Variants in WDFY3 observed in about 807,000 individuals in gnomAD.
The protein encoded by WDFY3 is WD repeat and FYVE domain containing 3.
Under a neutral mutation model 409.6 loss-of-function variants are expected in WDFY3, and 66 were observed. The ratio of observed to expected loss-of-function variants is 0.16; its 90% CI spans 0.13 to 0.20. The LOEUF is 0.20. Among genes scored for constraint, WDFY3 ranks in the 10% least tolerant of loss-of-function variants. The pLI, the probability that WDFY3 is intolerant of heterozygous loss-of-function variation, is 1.00. For missense variants in WDFY3, 3,031 were observed against 4,298.1 expected (o/e 0.71, Z 8.24); for synonymous variants, 1,521 against 1,537.1 (o/e 0.99, Z 0.25).
chr4:84,778,720 AACAC>A, intron 26 of WDFY3, 65 bp from the exon 27 acceptor site: 4 of 1,498,226 alleles, frequency 2.7e-6, no homozygotes, highest in South Asian at 1.3e-5. Context: ...CACACACACA[AACAC>A]ACACATACAC....
intron 53 of WDFY3, among the ~76,000 whole-genome samples, chr4:84,705,994 G>C (rs934069565): frequency 2.0e-5 from 3 of 151,636 alleles, no homozygotes; most frequent in Non-Finnish European, 4.4e-5. Flanking sequence ...AGGTGATCTG[G>C]AAGTGATAAA....
chr4:84,889,196 C>A (rs551285626), intron 3 of WDFY3, among the ~76,000 whole-genome samples: 2 of 152,224 alleles, frequency 1.3e-5, no homozygotes, highest in South Asian at 4.1e-4. Context: ...GTGCTAAGAG[C>A]AAATTTTTAT....
At position 84,826,923 on chromosome 4, in the gene WDFY3, T is replaced by C; in HGVS notation, c.1015A>G (p.Ile339Val). ...ACACCATATGTTGTTAGGGAAGTTA[T>C]CAGATTAACCAGATCTTTCAAGGCA... ...KDALKDLVNLITSLTTYGVSE... is the reference protein window; with the variant it reads ...KDALKDLVNLVTSLTTYGVSE... The change falls in exon 10 of 68, where the codon ATA becomes GTA. Residue 339 changes from isoleucine (I) to valine (V), a missense_variant. Ile to Val is a conservative substitution (Grantham distance 29). Transcript: ENST00000295888. 1 of 1,611,182 alleles carries C rather than the reference T, an allele frequency of 6.2e-7. No individual in the cohort carries two copies. Among genetic ancestry groups the C allele is most frequent in the Non-Finnish European group, 8.5e-7 (1 of 1,179,226 alleles).
At chr4:84,756,325 C>T (rs1455416018) in intron 33 of WDFY3, among the ~76,000 whole-genome samples, 4 of 152,092 alleles carry the variant, frequency 2.6e-5, no homozygotes, top group African/African-American at 9.7e-5. Context: ...TGGCTCGCGC[C>T]TGTAATCCCA....
intron 56 of WDFY3, among the ~76,000 whole-genome samples, chr4:84,700,861 G>T (rs1245267777): frequency 1.3e-5 from 2 of 152,206 alleles, no homozygotes; most frequent in African/African-American, 2.4e-5. Flanking sequence ...ACTGAGACGG[G>T]CAGATCACTT....
intron 56 of WDFY3, among the ~76,000 whole-genome samples, chr4:84,699,407 A>T (rs1393715385): frequency 6.6e-6 from 1 of 152,146 alleles, no homozygotes; most frequent in Admixed American, 6.5e-5. Flanking sequence ...ACTTTCATGG[A>T]TGAATAATAT....
At chr4:84,738,305 A>G (rs951318879) in intron 40 of WDFY3, among the ~76,000 whole-genome samples, 3 of 152,106 alleles carry the variant, frequency 2.0e-5, no homozygotes, top group Non-Finnish European at 4.4e-5. Context: ...ATTGAAAAAA[A>G]AAAGAGAGGG....
At chr4:84,789,647 ACACACACACACACACACACACACC>A (rs1390239943) in intron 22 of WDFY3, 55 bp downstream of exon 22, 18 of 1,303,136 alleles carry the variant, frequency 1.4e-5, no homozygotes, top group East Asian at 2.3e-5. Context: ...ACACACACAC[ACACACACACACACACACACACACC>A]CCCCAAACTA....
intron 34 of WDFY3, 87 bp from the exon 35 acceptor site, chr4:84,753,963 T>G: frequency 1.5e-6 from 2 of 1,350,120 alleles, no homozygotes; most frequent in East Asian, 5.3e-5. Flanking sequence ...TCAGTATTCT[T>G]ATGAAACTGG....
chr4:84,839,240 A>G (rs990656422), intron 6 of WDFY3, among the ~76,000 whole-genome samples: 1 of 152,206 alleles, frequency 6.6e-6, no homozygotes, highest in African/African-American at 2.4e-5. Flanking sequence ...TTAAATATCA[A>G]TAGTAAATAT....
intron 8 of WDFY3, among the ~76,000 whole-genome samples, chr4:84,830,230 G>T (rs1755502742): frequency 6.6e-6 from 1 of 152,130 alleles, no homozygotes. Context: ...TTGATGATTT[G>T]ACTTAAGATG....
intron 25 of WDFY3, among the ~76,000 whole-genome samples, chr4:84,782,721 T>G (rs1746771330): frequency 6.6e-6 from 1 of 152,238 alleles, no homozygotes; most frequent in Non-Finnish European, 1.5e-5. Flanking sequence ...ATCTCATTCC[T>G]TTTTATGGCT....
At chr4:84,853,401 T>G (rs1003255798) in intron 4 of WDFY3, among the ~76,000 whole-genome samples, 1 of 152,176 alleles carries the variant, frequency 6.6e-6, no homozygotes, top group Non-Finnish European at 1.5e-5. Context: ...CTCGAACTCC[T>G]GGCCTCAGGT....
chr4:84,808,487 T>C, intron 14 of WDFY3, 70 bp from the exon 15 acceptor site: 1 of 1,345,242 alleles, frequency 7.4e-7, no homozygotes, highest in Non-Finnish European at 1.1e-6. Flanking sequence ...TGGCAGTTGG[T>C]TAGTTTCACA....
chr4:84,862,513 T>C (rs1460876426), intron 3 of WDFY3, among the ~76,000 whole-genome samples: 2 of 152,180 alleles, frequency 1.3e-5, no homozygotes, highest in Non-Finnish European at 2.9e-5. Flanking sequence ...GTATTTACAG[T>C]CCTGGAAATC....
At chr4:84,708,250 T>C (rs939239662) in intron 53 of WDFY3, among the ~76,000 whole-genome samples, 3 of 152,220 alleles carry the variant, frequency 2.0e-5, no homozygotes, top group Non-Finnish European at 4.4e-5. Flanking sequence ...AAAAATTTCT[T>C]TTATATGGCA....
chr4:84,747,737 C>T (rs1739738519), intron 36 of WDFY3, among the ~76,000 whole-genome samples: 1 of 152,038 alleles, frequency 6.6e-6, no homozygotes, highest in South Asian at 2.1e-4. Context: ...GGGGGTTTTC[C>T]CCTACTTCAT....
intron 3 of WDFY3, among the ~76,000 whole-genome samples, chr4:84,873,745 A>C (rs1027324216): frequency 6.6e-6 from 1 of 151,856 alleles, no homozygotes; most frequent in Non-Finnish European, 1.5e-5. Context: ...TCACTAACAT[A>C]TGACTGGTGT....
rs1764867902 is a variant in WDFY3 at position 84,890,943 on chromosome 4, C to CT, written c.-32+5967dup. Among the ~76,000 whole-genome samples the CT allele has an allele frequency of 3.9e-5, 6 of 152,326 alleles. No individual in the cohort carries two copies. In the South Asian group the frequency reaches 1.2e-3, roughly 32 times the overall value. ...GGGACTACACTACAGGTGCCTACCACTGTGCCCATTGTGAATTTATTAATT... is the reference window on the plus strand; with the variant it reads ...GGGACTACACTACAGGTGCCTACCACTTGTGCCCATTGTGAATTTATTAATT... On this transcript the variant is annotated intron_variant, in intron 3 of 67. Transcript: ENST00000295888.
Sources: allele counts gnomAD v4.1 joint callset (sites outside exome capture counted in the v4.1 genomes callset), GRCh38; gene constraint gnomAD v4.1.1; transcripts MANE v1.5; gene names NCBI Gene and HGNC (gene_info 2026-07-23, HGNC 2026-07-21).